Variants in MAD1L1 observed in about 807,000 individuals in gnomAD.
MAD1L1 encodes mitotic arrest deficient 1 like 1, also known as mitotic spindle assembly checkpoint protein MAD1.
A neutral mutation model predicts 96.9 loss-of-function variants in MAD1L1; 95 were observed. The ratio of observed to expected loss-of-function variants is 0.98; its 90% confidence interval spans 0.83 to 1.16. The LOEUF is 1.16. Among genes scored for constraint, MAD1L1 ranks in the 50% most tolerant of loss-of-function variants. The pLI, the probability that MAD1L1 is intolerant of heterozygous loss-of-function variation, is 0.00. For missense variants in MAD1L1, 1,007 were observed against 954.4 expected (o/e 1.06, Z -0.73); for synonymous variants, 473 against 396.6 (o/e 1.19, Z -2.29).
intron 17 of MAD1L1, among the ~76,000 whole-genome samples, chr7:1,906,049 CAAAAAA>C (rs10570929): frequency 4.4e-5 from 4 of 91,942 alleles, no homozygotes; most frequent in Admixed American, 1.1e-4. Context: ...GACTCCATCT[CAAAAAA>C]AAAAAAAAAA....
At chr7:2,122,207 C>T (rs979061328) in intron 11 of MAD1L1, among the ~76,000 whole-genome samples, 1 of 152,222 alleles carries the variant, frequency 6.6e-6, no homozygotes, top group Non-Finnish European at 1.5e-5. Context: ...ACAGAGGAAA[C>T]CCGCGGGGGC....
chr7:1,920,991 G>A (rs764221509), intron 17 of MAD1L1, among the ~76,000 whole-genome samples: 3 of 152,252 alleles, frequency 2.0e-5, no homozygotes, highest in African/African-American at 7.2e-5. Flanking sequence ...GAGACGACGA[G>A]ACAGGCAACC....
chr7:2,065,921 G>C (rs568284166), intron 12 of MAD1L1, among the ~76,000 whole-genome samples: 2 of 152,348 alleles, frequency 1.3e-5, no homozygotes, highest in South Asian at 4.1e-4. Context: ...ACAAGACTCT[G>C]CAGCCATACT....
chr7:2,087,269 G>A (rs1785965984), intron 11 of MAD1L1, among the ~76,000 whole-genome samples: 1 of 152,218 alleles, frequency 6.6e-6, no homozygotes, highest in East Asian at 1.9e-4. Context: ...ACCAGGCATG[G>A]TGGTTCATGC....
chr7:1,953,894 G>A (rs1166717367), intron 16 of MAD1L1, among the ~76,000 whole-genome samples: 2 of 152,238 alleles, frequency 1.3e-5, no homozygotes, highest in African/African-American at 2.4e-5. Flanking sequence ...ACAAGCTGGA[G>A]GCTCCTGGGT....
At chr7:2,107,340 G>T (rs2128554221) in intron 11 of MAD1L1, 1 of 152,068 alleles carries the variant, frequency 6.6e-6, no homozygotes, top group Admixed American at 6.6e-5. Flanking sequence ...AGGATTATGT[G>T]GTCACTGCAG....
At chr7:2,137,833 G>A (rs1019344759) in intron 11 of MAD1L1, among the ~76,000 whole-genome samples, 5 of 152,200 alleles carry the variant, frequency 3.3e-5, no homozygotes, top group African/African-American at 1.2e-4. Flanking sequence ...CCAAAGAGGG[G>A]AAGCCAAGCA....
intron 14 of MAD1L1, among the ~76,000 whole-genome samples, chr7:1,990,318 T>C (rs137875145): frequency 5.6e-4 from 85 of 152,268 alleles, no homozygotes; most frequent in African/African-American, 1.9e-3. Context: ...CAGCTGGGCA[T>C]CCTGGCCAGA....
chr7:1,824,397 C>T (rs1486620892), intron 18 of MAD1L1, among the ~76,000 whole-genome samples: 2 of 152,184 alleles, frequency 1.3e-5, no homozygotes, highest in Non-Finnish European at 2.9e-5. Flanking sequence ...AGAAGACTAA[C>T]GAAGTCAGGT....
intron 10 of MAD1L1, among the ~76,000 whole-genome samples, chr7:2,173,446 C>T (rs1790804343): frequency 6.6e-6 from 1 of 152,230 alleles, no homozygotes; most frequent in Admixed American, 6.5e-5. Flanking sequence ...CCAACTCCTT[C>T]CTACTTTGTG....
intron 10 of MAD1L1, among the ~76,000 whole-genome samples, chr7:2,182,314 G>A (rs1637755): frequency 0.054 from 8,232 of 151,064 alleles, 628 homozygotes; most frequent in African/African-American, 0.17. Context: ...CCACACCCAC[G>A]AGGCTAACCA....
intron 16 of MAD1L1, among the ~76,000 whole-genome samples, chr7:1,952,363 C>G (rs771579399): frequency 3.3e-5 from 5 of 152,214 alleles, no homozygotes; most frequent in Non-Finnish European, 7.3e-5. Context: ...CTTCCACGAG[C>G]CACGGGAGGA....
At chr7:1,852,861 C>A (rs192477043) in intron 18 of MAD1L1, among the ~76,000 whole-genome samples, 1 of 152,318 alleles carries the variant, frequency 6.6e-6, no homozygotes, top group East Asian at 1.9e-4. Context: ...GAGAGCCGCA[C>A]GTGCTGAGCC....
intron 14 of MAD1L1, among the ~76,000 whole-genome samples, chr7:1,998,137 C>T (rs949534611): frequency 1.8e-4 from 28 of 152,206 alleles, no homozygotes; most frequent in Non-Finnish European, 2.5e-4. Flanking sequence ...CTGCACCAAG[C>T]GCACCTCACA....
chr7:1,865,335 G>T (rs1784729396), intron 18 of MAD1L1, among the ~76,000 whole-genome samples: 1 of 152,168 alleles, frequency 6.6e-6, no homozygotes, highest in Non-Finnish European at 1.5e-5. Context: ...TTGAGTCAAA[G>T]CTGACCTTGC....
chr7:1,882,630 G>A (rs1407212767), intron 18 of MAD1L1, among the ~76,000 whole-genome samples: 1 of 152,212 alleles, frequency 6.6e-6, no homozygotes, highest in African/African-American at 2.4e-5. Context: ...AGCCAGGCCT[G>A]GAGCGTGAGC....
At chr7:2,046,921 G>T (rs1303526383) in intron 12 of MAD1L1, among the ~76,000 whole-genome samples, 1 of 152,174 alleles carries the variant, frequency 6.6e-6, no homozygotes, top group African/African-American at 2.4e-5. Context: ...TGCACCACAC[G>T]CTGCGCACAC....
intron 18 of MAD1L1, among the ~76,000 whole-genome samples, chr7:1,874,100 G>A (rs997286014): frequency 8.5e-5 from 13 of 152,218 alleles, no homozygotes; most frequent in Admixed American, 2.0e-4. Context: ...ATCCCGGGAC[G>A]GTGTTCCAGG....
intron 18 of MAD1L1, among the ~76,000 whole-genome samples, chr7:1,818,790 C>T (rs1781967589): frequency 6.6e-6 from 1 of 151,914 alleles, no homozygotes; most frequent in Non-Finnish European, 1.5e-5. Context: ...GCTCCTACAG[C>T]ACCTCCTCTC....
Sources: gnomAD v4.1 joint callset for allele counts (sites outside exome capture counted in the v4.1 genomes callset) on GRCh38, gnomAD v4.1.1 for gene constraint, MANE v1.5 for transcripts, NCBI Gene and HGNC (gene_info 2026-07-23, HGNC 2026-07-21) for gene names.